BNC2: variants seen among roughly 807,000 people sequenced by gnomAD.
The protein encoded by BNC2 is zinc finger protein basonuclin-2.
Under a neutral mutation model 76.3 loss-of-function variants are expected in BNC2, and 20 were observed. The ratio of observed to expected loss-of-function variants is 0.26; its 90% CI spans 0.18 to 0.38. The LOEUF (loss-of-function observed/expected upper bound fraction) is 0.38. Ranked by LOEUF, BNC2 falls within the 10% of genes least tolerant of loss-of-function variation. The pLI is 1.00. For missense variants in BNC2, 1,382 were observed against 1,399.8 expected, an observed-to-expected ratio of 0.99 and a Z score of 0.20; for synonymous variants, 582 against 514.8, an observed-to-expected ratio of 1.13 and a Z score of -1.77.
chr9:16,435,451 C>T (rs772149726), intron 6 of BNC2, 104 bp downstream of exon 6: 32 of 1,367,234 alleles, frequency 2.3e-5, no homozygotes, highest in Non-Finnish European at 3.0e-5. Context: ...CTTTACAGTG[C>T]ACCAAAAACA....
At chr9:16,637,244 T>G (rs1460324414) in intron 3 of BNC2, among the ~76,000 whole-genome samples, 1 of 152,124 alleles carries the variant, frequency 6.6e-6, no homozygotes, top group Non-Finnish European at 1.5e-5. Flanking sequence ...GAAATAAGAC[T>G]CTTAAAGTGC....
chr9:16,463,588 G>A (rs948238157), intron 5 of BNC2, among the ~76,000 whole-genome samples: 7 of 143,688 alleles, frequency 4.9e-5, no homozygotes, highest in South Asian at 2.1e-4. Flanking sequence ...GAGCCACCGC[G>A]CCCGGCCAAA....
rs190880935 is a variant in BNC2, at chr9:16,858,958, T to C, written c.3+11688A>G. Among the ~76,000 whole-genome samples, 197 of 152,210 alleles carry C rather than the reference T, an allele frequency of 1.3e-3. 1 individual carries two copies. The highest frequency in any genetic ancestry group is 3.1e-4 in the Non-Finnish European group (21 of 68,012). On this transcript the variant is annotated intron_variant, in intron 1 of 6. Transcript: ENST00000380672. ...AGTGAGAAAAAATGTGTAAATCATATTTCTGATAAGGGGTATAGACATATA... is the reference window on the plus strand; with the variant it reads ...AGTGAGAAAAAATGTGTAAATCATACTTCTGATAAGGGGTATAGACATATA...
intron 6 of BNC2, among the ~76,000 whole-genome samples, chr9:16,431,130 A>G (rs1378512052): frequency 6.6e-6 from 1 of 152,224 alleles, no homozygotes; most frequent in African/African-American, 2.4e-5. Context: ...TATACAGATC[A>G]TCTAGTTTCT....
chr9:16,746,888 G>A (rs1028669083), intron 1 of BNC2, among the ~76,000 whole-genome samples: 3 of 151,538 alleles, frequency 2.0e-5, no homozygotes, highest in Admixed American at 1.3e-4. Flanking sequence ...AGTAAACTCT[G>A]GAGGCAGAGC....
intron 1 of BNC2, among the ~76,000 whole-genome samples, chr9:16,775,403 A>AC (rs1825938620): frequency 1.3e-5 from 2 of 151,608 alleles, no homozygotes; most frequent in South Asian, 4.2e-4. Flanking sequence ...TTATTAAAAA[A>AC]AAAAAAACTC....
At chr9:16,421,331 CAG>C (rs749600099) in intron 6 of BNC2, 47 of 1,230,356 alleles carry the variant, frequency 3.8e-5, no homozygotes, top group Non-Finnish European at 4.6e-5. Context: ...GAATAAGAGA[CAG>C]AGAGAGAGAA....
intron 1 of BNC2, among the ~76,000 whole-genome samples, chr9:16,815,407 A>G (rs978224318): frequency 2.6e-5 from 4 of 152,228 alleles, no homozygotes; most frequent in African/African-American, 9.7e-5. Context: ...AGGAGAGATT[A>G]GATATGGAAT....
intron 1 of BNC2, among the ~76,000 whole-genome samples, chr9:16,749,022 G>A (rs4961753): frequency 0.86 from 129,275 of 149,986 alleles, 56,065 homozygotes; most frequent in Non-Finnish European, 0.91. Context: ...GAATTTTCAG[G>A]TTCTAAGCAA....
At chr9:16,633,839 A>G (rs1219523898) in intron 3 of BNC2, among the ~76,000 whole-genome samples, 1 of 152,230 alleles carries the variant, frequency 6.6e-6, no homozygotes, top group African/African-American at 2.4e-5. Flanking sequence ...TCTTCAATCA[A>G]TCTGTTCTGA....
At chr9:16,807,392 T>C (rs1396338688) in intron 1 of BNC2, among the ~76,000 whole-genome samples, 2 of 152,170 alleles carry the variant, frequency 1.3e-5, no homozygotes, top group Admixed American at 6.5e-5. Flanking sequence ...AATCTTCCCA[T>C]GATCACAAAA....
At position 16,419,512 on chromosome 9, in the gene BNC2, G is replaced by T. The variant is rs368784393; in HGVS notation, c.2777C>A (p.Pro926His). The T allele has an allele frequency of 1.5e-5, 24 of 1,613,986 alleles. No individual in the cohort carries two copies. The East Asian group carries it at 2.0e-4, about 13-fold the overall frequency. ...GTCTTCCCTGACATCGAGCCCCATG[G>T]GGTGCTGGGCACCATATATCTTCAC... ...FLVKIYGAQH[P>H]MGLDVREDAS... The change falls in exon 7 of 7, where the codon CCC (proline) becomes CAC (histidine). Residue 926 changes from proline to histidine, a missense_variant. Physicochemically the swap from Pro to His is moderately conservative, Grantham distance 77. Around this residue, in one of 3 missense-constraint regions of BNC2, gnomAD observed 798 missense variants for 775.5 expected, o/e 1.03. Transcript: ENST00000380672.
chr9:16,680,561 T>C (rs1054127286), intron 3 of BNC2, among the ~76,000 whole-genome samples: 1 of 151,420 alleles, frequency 6.6e-6, no homozygotes, highest in Non-Finnish European at 1.5e-5. Context: ...TTATGGATTA[T>C]TTTTTAAATG....
intron 5 of BNC2, among the ~76,000 whole-genome samples, chr9:16,491,438 G>T (rs1285970065): frequency 6.6e-6 from 1 of 152,184 alleles, no homozygotes; most frequent in Non-Finnish European, 1.5e-5. Flanking sequence ...AAGAGGATCA[G>T]AGGTAAGGGT....
At chr9:16,841,983 A>AT (rs1258402124) in intron 1 of BNC2, among the ~76,000 whole-genome samples, 1 of 151,974 alleles carries the variant, frequency 6.6e-6, no homozygotes, top group Non-Finnish European at 1.5e-5. Flanking sequence ...CTAATTTTCT[A>AT]TTTTTAGTAG....
chr9:16,505,145 T>C (rs1374016923), intron 5 of BNC2, among the ~76,000 whole-genome samples: 1 of 152,136 alleles, frequency 6.6e-6, no homozygotes, highest in East Asian at 1.9e-4. Context: ...ATAAAATGTA[T>C]AAATGAGATA....
At chr9:16,485,912 A>G (rs1822155457) in intron 5 of BNC2, among the ~76,000 whole-genome samples, 1 of 152,188 alleles carries the variant, frequency 6.6e-6, no homozygotes, top group African/African-American at 2.4e-5. Context: ...GGAATAAAAC[A>G]TTTACTTGTG....
At chr9:16,618,975 A>C (rs1478676091) in intron 3 of BNC2, among the ~76,000 whole-genome samples, 1 of 152,214 alleles carries the variant, frequency 6.6e-6, no homozygotes, top group Non-Finnish European at 1.5e-5. Context: ...AAGTCACCAA[A>C]TTTACCAGCA....
chr9:16,770,639 A>G (rs988692049), intron 1 of BNC2, among the ~76,000 whole-genome samples: 7 of 116,108 alleles, frequency 6.0e-5, no homozygotes, highest in Admixed American at 4.1e-4. Flanking sequence ...CCCTACCCTC[A>G]AGTCATTCAA....
Sources: gnomAD v4.1 joint callset for allele counts (sites outside exome capture counted in the v4.1 genomes callset) on GRCh38, gnomAD v4.1.1 for gene constraint, gnomAD v4.1.1 regional missense constraint, MANE v1.5 for transcripts, NCBI Gene and HGNC (gene_info 2026-07-23, HGNC 2026-07-21) for gene names.